Variants in ECT2L observed in about 807,000 individuals in gnomAD.
ECT2L encodes epithelial cell transforming 2 like.
ECT2L carries 126 observed loss-of-function variants against 122.8 expected under a neutral mutation model. The observed-to-expected ratio is 1.03, with a 90% CI of 0.89 to 1.19. The LOEUF (loss-of-function observed/expected upper bound fraction) is 1.19, where lower values mean the gene tolerates loss of function less well. Ranked by LOEUF, ECT2L falls within the 50% of genes most tolerant of loss-of-function variation. ECT2L has a pLI of 0.00. For missense variants in ECT2L, 1,012 were observed against 1,064.1 expected (o/e 0.95, Z 0.68); for synonymous variants, 385 against 381.8 (o/e 1.01, Z -0.10).
At chr6:138,868,410 T>A (rs1235152045) in intron 13 of ECT2L, among the ~76,000 whole-genome samples, 2 of 152,132 alleles carry the variant, frequency 1.3e-5, no homozygotes, top group Non-Finnish European at 2.9e-5. Context: ...TAGGAAAATC[T>A]TCTAGGTTAT....
At chr6:138,899,639 G>A (rs374876509) in intron 20 of ECT2L, among the ~76,000 whole-genome samples, 4 of 152,222 alleles carry the variant, frequency 2.6e-5, no homozygotes, top group South Asian at 2.1e-4. Context: ...TTTATGTTCC[G>A]ACAATTTAAA....
chr6:138,838,437 A>C lies in ECT2L; in HGVS notation c.265A>C (p.Ile89Leu). The C allele has an allele frequency of 1.9e-6, 3 of 1,614,020 alleles. No individual in the cohort carries two copies. The highest frequency in any genetic ancestry group is 2.5e-6 in the Non-Finnish European group (3 of 1,179,970). The change falls in exon 5 of 22, where the codon ATC (isoleucine) becomes CTC (leucine). Residue 89 changes from isoleucine to leucine, a missense_variant. Ile to Leu is a conservative substitution (Grantham distance 5). Coordinates refer to ENST00000541398, the MANE Select transcript of ECT2L (RefSeq NM_001077706.3). ...TVLPRFISLY[I>L]FSFLSPKDLC... ...GTTACCACGCTTCATTTCTCTATATATCTTTTCCTTTTTGAGTCCGAAAGA... is the reference window on the plus strand; with the variant it reads ...GTTACCACGCTTCATTTCTCTATATCTCTTTTCCTTTTTGAGTCCGAAAGA...
At chr6:138,881,281 G>C in intron 15 of ECT2L, 110 bp downstream of exon 15, 1 of 1,093,638 alleles carries the variant, frequency 9.1e-7, no homozygotes, top group Non-Finnish European at 1.3e-6. Context: ...GACCCTCTTA[G>C]GGACCCTGAT....
intron 1 of ECT2L, among the ~76,000 whole-genome samples, chr6:138,801,085 A>G (rs932889876): frequency 7.2e-5 from 11 of 152,216 alleles, no homozygotes; most frequent in Middle Eastern, 3.4e-3. Context: ...TAAAGGCCCA[A>G]CCTCTTACTA....
intron 4 of ECT2L, chr6:138,822,896 A>G: frequency 6.2e-7 from 1 of 1,613,588 alleles, no homozygotes; most frequent in South Asian, 1.1e-5. Context: ...TCCTCACAAT[A>G]GCTTTCGTCA....
intron 10 of ECT2L, among the ~76,000 whole-genome samples, chr6:138,858,665 A>G (rs1434580599): frequency 1.5e-5 from 2 of 133,738 alleles, no homozygotes; most frequent in South Asian, 2.5e-4. Context: ...TCTTTCTTTC[A>G]CATATATTAG....
At chr6:138,883,538 C>CA (rs1440179108) in intron 16 of ECT2L, among the ~76,000 whole-genome samples, 3 of 152,164 alleles carry the variant, frequency 2.0e-5, no homozygotes, top group Non-Finnish European at 4.4e-5. Context: ...CCACTGTGAC[C>CA]ACTCGTCTTC....
intron 4 of ECT2L, among the ~76,000 whole-genome samples, chr6:138,815,894 A>AT (rs1174729612): frequency 1.3e-5 from 2 of 151,942 alleles, no homozygotes; most frequent in South Asian, 2.1e-4. Flanking sequence ...TTGATCAGCC[A>AT]TTTTTTCTCT....
At chr6:138,843,637 G>A (rs1305254067) in intron 6 of ECT2L, among the ~76,000 whole-genome samples, 2 of 152,060 alleles carry the variant, frequency 1.3e-5, no homozygotes. Context: ...GGGAGAAAGA[G>A]GACAGCTCTT....
At chr6:138,856,790 T>C (rs1363062300) in intron 10 of ECT2L, among the ~76,000 whole-genome samples, 1 of 152,160 alleles carries the variant, frequency 6.6e-6, no homozygotes, top group African/African-American at 2.4e-5. Context: ...GGTCTAACTT[T>C]ACTTTGGTGA....
chr6:138,831,587 A>G (rs1308673520), intron 4 of ECT2L, among the ~76,000 whole-genome samples: 1 of 152,196 alleles, frequency 6.6e-6, no homozygotes, highest in East Asian at 1.9e-4. Context: ...TCCCGCAGGG[A>G]AGCCTTTCCA....
chr6:138,884,078 C>T (rs1323445762), intron 16 of ECT2L, among the ~76,000 whole-genome samples: 1 of 152,038 alleles, frequency 6.6e-6, no homozygotes, highest in Non-Finnish European at 1.5e-5. Context: ...GTTGTCCAGG[C>T]TGGTCTTAAA....
At chr6:138,845,529 C>A (rs1303344821) in intron 7 of ECT2L, among the ~76,000 whole-genome samples, 2 of 152,248 alleles carry the variant, frequency 1.3e-5, no homozygotes, top group African/African-American at 4.8e-5. Flanking sequence ...CAGACATGAG[C>A]CAGCATGCCC....
rs1562502471 is a variant in ECT2L at position 138,903,728 on chromosome 6, C to CT, written c.*1104dup. The CT allele has an allele frequency of 6.6e-6, 1 of 152,098 alleles. No homozygotes were observed. The highest frequency in any genetic ancestry group is 2.4e-5 in the African/African-American group (1 of 41,418). The allele number at this position is 152,098 out of a possible 1,614,324, so 9.4% of individuals were successfully genotyped here. A position where few individuals can be genotyped will look rare whatever the true frequency, so the allele number is the denominator to read the frequency against. On this transcript the variant is annotated 3_prime_UTR_variant, in exon 22 of 22. Transcript: ENST00000541398. The stretch of plus-strand genomic sequence containing the variant: ...TGAGTAGTTTCCTGGGCCTTTAATG[C>CT]TTTAAATTTATTATTTAACAACTAA...
rs199497890 is a variant in ECT2L, at chr6:138,880,947, T to C, written c.1666-10T>C. ...CATCACTGACTTGAGTTCTTAACAC[T>C]TCTCTACAGGAGAGAATACTCCAGA... On this transcript the variant is annotated splice_polypyrimidine_tract_variant and intron_variant, in intron 14 of 21. Transcript: ENST00000541398. 11 of 1,612,068 alleles carry C rather than the reference T, an allele frequency of 6.8e-6. No individual in the cohort carries two copies. The highest frequency in any genetic ancestry group is 1.3e-5 in the African/African-American group (1 of 74,852).
At chr6:138,815,560 T>C (rs1160282081) in intron 4 of ECT2L, among the ~76,000 whole-genome samples, 1 of 152,202 alleles carries the variant, frequency 6.6e-6, no homozygotes, top group African/African-American at 2.4e-5. Flanking sequence ...AATAATAGAA[T>C]ACTATTTCTG....
chr6:138,845,896 C>A (rs184395066), intron 7 of ECT2L, among the ~76,000 whole-genome samples: 2 of 152,102 alleles, frequency 1.3e-5, no homozygotes, highest in East Asian at 1.9e-4. Context: ...CACAGCGAGA[C>A]CCCATCTTTC....
At chr6:138,892,902 A>G (rs1228801437) in intron 20 of ECT2L, among the ~76,000 whole-genome samples, 1 of 152,208 alleles carries the variant, frequency 6.6e-6, no homozygotes, top group African/African-American at 2.4e-5. Flanking sequence ...GAGTTAGGTC[A>G]TATTAACTGT....
At chr6:138,799,990 G>A (rs1449688839) in intron 1 of ECT2L, among the ~76,000 whole-genome samples, 1 of 152,168 alleles carries the variant, frequency 6.6e-6, no homozygotes, top group Non-Finnish European at 1.5e-5. Flanking sequence ...CAAAAATTAA[G>A]ATGTTAAATA....
Sources: gnomAD v4.1 joint callset for allele counts (sites outside exome capture counted in the v4.1 genomes callset) on GRCh38, gnomAD v4.1.1 for gene constraint, MANE v1.5 for transcripts, NCBI Gene and HGNC (gene_info 2026-07-23, HGNC 2026-07-21) for gene names.